The following ARHGAP19 variants were observed in gnomAD, a reference collection of about 807,000 sequenced individuals.
The protein encoded by ARHGAP19 is Rho GTPase activating protein 19.
ARHGAP19 carries 48 observed loss-of-function variants against 60.9 expected under a neutral mutation model. The observed-to-expected ratio is 0.79, with a 90% CI of 0.62 to 1.00. The LOEUF is 1.00. Ranked by LOEUF, ARHGAP19 falls within the 50% of genes least tolerant of loss-of-function variation. ARHGAP19 has a pLI of 0.00. For synonymous variants in ARHGAP19, 209 were observed against 215.5 expected (o/e 0.97, Z 0.27); for missense variants, 562 against 597.2 (o/e 0.94, Z 0.61).
chr10:97,264,014 C>T (rs1239915247), intron 3 of ARHGAP19, among the ~76,000 whole-genome samples: 2 of 152,216 alleles, frequency 1.3e-5, no homozygotes, highest in African/African-American at 4.8e-5. Context: ...GGGCTACATA[C>T]ATCTGTGGAT....
intron 6 of ARHGAP19, 121 bp downstream of exon 6, chr10:97,256,197 C>T: frequency 1.2e-6 from 1 of 812,564 alleles, no homozygotes; most frequent in Non-Finnish European, 2.1e-6. Context: ...ACTGTCCATT[C>T]TGGTTTGCAA....
rs1276053423 is a variant in ARHGAP19 at position 97,261,381 on chromosome 10, C to T, written c.614-1753G>A. 2.0e-5 allele frequency among the ~76,000 whole-genome samples: 3 copies of T among 152,228 alleles called. No individual in the cohort carries two copies. The South Asian group carries it at 6.2e-4, about 32-fold the overall frequency. On this transcript the variant is annotated intron_variant, in intron 4 of 11. Coordinates refer to ENST00000358531, the MANE Select transcript of ARHGAP19 (RefSeq NM_032900.6). ...CATATGAAAGGCTACAACTGTGCCA[C>T]GCCTCAGTATGTTCTCAAAGAACAG... is the stretch of plus-strand genomic sequence containing the variant.
At chr10:97,249,797 C>CTTTTT (rs34158492) in intron 6 of ARHGAP19, among the ~76,000 whole-genome samples, 1 of 109,032 alleles carries the variant, frequency 9.2e-6, no homozygotes, top group Non-Finnish European at 1.8e-5. Flanking sequence ...TAGTGTGATT[C>CTTTTT]TTTTTTTTTT....
intron 1 of ARHGAP19, among the ~76,000 whole-genome samples, chr10:97,280,096 A>C (rs1213804961): frequency 1.3e-5 from 2 of 152,162 alleles, no homozygotes; most frequent in Admixed American, 6.6e-5. Context: ...AATGGGAAGA[A>C]AGTTATTTGT....
rs11442502 is a variant in ARHGAP19 at position 97,273,484 on chromosome 10, C to CTT, written c.57-7361_57-7360dup. Among the ~76,000 whole-genome samples the CTT allele has an allele frequency of 7.8e-3, 718 of 92,476 alleles. 12 individuals are homozygous for CTT. The highest frequency in any genetic ancestry group is 0.021 in the East Asian group (63 of 2,996). The allele number at this position is 92,476 out of a possible 152,430, so 60.7% of individuals were successfully genotyped here. On this transcript the variant is annotated intron_variant, in intron 1 of 11. Coordinates refer to ENST00000358531, the MANE Select transcript of ARHGAP19 (RefSeq NM_032900.6). ...AGCCTATTTCATTAATTTCTGCTCTCTTTTTTTTTTTTTTTTTTTTTTGAG... is the reference window on the plus strand; with the variant it reads ...AGCCTATTTCATTAATTTCTGCTCTCTTTTTTTTTTTTTTTTTTTTTTTTGAG...
At chr10:97,267,147 T>C (rs1258695432) in intron 1 of ARHGAP19, among the ~76,000 whole-genome samples, 3 of 152,194 alleles carry the variant, frequency 2.0e-5, no homozygotes, top group Non-Finnish European at 4.4e-5. Context: ...GGTACAGGCA[T>C]TGGGTAAATA....
intron 8 of ARHGAP19, among the ~76,000 whole-genome samples, chr10:97,242,774 A>G (rs977491308): frequency 5.9e-5 from 9 of 152,026 alleles, no homozygotes; most frequent in African/African-American, 1.9e-4. Flanking sequence ...TCATCCTCCC[A>G]AAGTGCTGGG....
chr10:97,251,252 A>AG (rs1554863192), intron 6 of ARHGAP19, among the ~76,000 whole-genome samples: 1 of 16,938 alleles, frequency 5.9e-5, no homozygotes, highest in Non-Finnish European at 1.0e-4. Context: ...GGGAAGGGGG[A>AG]GGGAAGGGGA....
intron 1 of ARHGAP19, among the ~76,000 whole-genome samples, chr10:97,270,063 G>T (rs147228392): frequency 6.6e-6 from 1 of 151,956 alleles, no homozygotes; most frequent in Non-Finnish European, 1.5e-5. Flanking sequence ...AGAATAAACA[G>T]GTTCAAGACT....
chr10:97,226,621 C>T (rs1850900652), intron 11 of ARHGAP19, among the ~76,000 whole-genome samples: 2 of 152,116 alleles, frequency 1.3e-5, no homozygotes, highest in Admixed American at 6.5e-5. Context: ...TGTCATTTTT[C>T]GGAAGATGAG....
At chr10:97,290,257 CGCTGACTCCCATCCCGCT>C (rs550993839) in intron 1 of ARHGAP19, among the ~76,000 whole-genome samples, 6,272 of 152,276 alleles carry the variant, frequency 0.041, 208 homozygotes, top group Non-Finnish European at 0.061. Context: ...GCAGACCCGC[CGCTGACTCCCATCCCGCT>C]GCTGACTCCC....
Position 97,229,332 on chromosome 10 carries a change from T to A in ARHGAP19, c.1396-107A>T, listed in dbSNP as rs1850960369. ...GTTCAATTTCAATGTGAAGAGTTTTTCTGAGACTGATGTATTTATATCTCA... is the reference window on the plus strand; with the variant it reads ...GTTCAATTTCAATGTGAAGAGTTTTACTGAGACTGATGTATTTATATCTCA... On this transcript the variant is annotated intron_variant, in intron 10 of 11. Transcript: ENST00000358531. 3.3e-6 allele frequency: 3 copies of A among 922,724 alleles called. No homozygotes were observed. The Admixed American group carries it at 6.0e-5, about 18-fold the overall frequency. The allele number at this position is 922,724 out of a possible 1,614,324, so 57.2% of individuals were successfully genotyped here. A position where few individuals can be genotyped will look rare whatever the true frequency, so the allele number is the denominator to read the frequency against.
intron 6 of ARHGAP19, among the ~76,000 whole-genome samples, chr10:97,247,308 T>C (rs1385718394): frequency 2.0e-5 from 3 of 151,964 alleles, no homozygotes; most frequent in African/African-American, 7.3e-5. Context: ...AGACCCTGTC[T>C]CAAAAAAGAA....
chr10:97,231,674 C>G (rs533322067), intron 9 of ARHGAP19, among the ~76,000 whole-genome samples: 8 of 152,200 alleles, frequency 5.3e-5, no homozygotes, highest in Non-Finnish European at 1.0e-4. Context: ...GTTCCATTAT[C>G]TGTATATCCA....
chr10:97,292,459 G>A (rs984626048), intron 1 of ARHGAP19, 113 bp downstream of exon 1: 4 of 1,372,212 alleles, frequency 2.9e-6, no homozygotes, highest in Non-Finnish European at 4.1e-6. Flanking sequence ...GAGAAACGCC[G>A]TGGGAGAAAG....
chr10:97,284,084 C>T (rs982848504), intron 1 of ARHGAP19, among the ~76,000 whole-genome samples: 1 of 151,984 alleles, frequency 6.6e-6, no homozygotes, highest in Admixed American at 6.6e-5. Flanking sequence ...CAGGTGCACA[C>T]CACCACACCT....
chr10:97,246,425 C>T, intron 6 of ARHGAP19, 88 bp from the exon 7 acceptor site: 1 of 1,027,850 alleles, frequency 9.7e-7, no homozygotes, highest in Admixed American at 2.1e-5. Flanking sequence ...TTCTCAAAAT[C>T]ATTTGACCAG....
chr10:97,235,290 G>T lies in ARHGAP19; in HGVS notation c.1211C>A (p.Thr404Lys), dbSNP rs1851109388. ...GGAAGTAGAAGGTTCTCGCCCTGGT[G>T]TCTGGGTCAATGATTGCTTATTAAA... ...RQFNKQSLTQ[T>K]PGREPSTSQV... Residue 404 changes from threonine (T) to lysine (K), a missense_variant, in exon 9 of 12, where the codon ACA becomes AAA. By Grantham distance (78) the Thr-to-Lys change is moderately conservative (BLOSUM62 -1). Transcript: ENST00000358531. 6.2e-7 allele frequency: 1 copy of T among 1,613,586 alleles called. No individual in the cohort carries two copies. Among genetic ancestry groups the T allele is most frequent in the Non-Finnish European group, 8.5e-7 (1 of 1,179,584 alleles).
At chr10:97,270,606 A>C (rs746381675) in intron 1 of ARHGAP19, 1 of 1,547,440 alleles carries the variant, frequency 6.5e-7, no homozygotes, top group Non-Finnish European at 8.7e-7. Flanking sequence ...CATTTCTTAC[A>C]TAAGTGCTGA....
Sources: gnomAD v4.1 joint callset for allele counts (sites outside exome capture counted in the v4.1 genomes callset) on GRCh38, gnomAD v4.1.1 for gene constraint, MANE v1.5 for transcripts, NCBI Gene and HGNC (gene_info 2026-07-23, HGNC 2026-07-21) for gene names.